The following CRACD variants were observed in gnomAD, a reference collection of about 807,000 sequenced individuals.
The protein encoded by CRACD is capping protein inhibiting regulator of actin dynamics.
In CRACD, 56 loss-of-function variants were observed where a neutral mutation model predicts 106.8. The ratio of observed to expected loss-of-function variants is 0.52; its 90% CI spans 0.42 to 0.66. CRACD has a LOEUF of 0.66. CRACD is among the 30% of genes least tolerant of loss of function. The pLI is 0.00. For missense variants in CRACD, 1,730 were observed against 1,623.2 expected (o/e 1.07, Z -1.13); for synonymous variants, 754 against 670.8 (o/e 1.12, Z -1.92).
intron 5 of CRACD, 98 bp from the exon 6 acceptor site, chr4:56,310,568 A>G: frequency 1.2e-6 from 1 of 832,062 alleles, no homozygotes; most frequent in South Asian, 1.4e-5. Flanking sequence ...CCCTGTGTAG[A>G]GGAGGGGGTG....
intron 3 of CRACD, among the ~76,000 whole-genome samples, chr4:56,286,384 T>G (rs927798258): frequency 3.0e-5 from 4 of 135,100 alleles, no homozygotes; most frequent in African/African-American, 5.7e-5. Flanking sequence ...CAGCGTGAGA[T>G]TCTGTCTCCG....
chr4:56,119,507 T>A (rs1192371058), intron 1 of CRACD, among the ~76,000 whole-genome samples: 1 of 150,396 alleles, frequency 6.6e-6, no homozygotes, highest in Non-Finnish European at 1.5e-5. Context: ...ATTTTTGTAT[T>A]TTTTTTTTGT....
rs547612021 is a variant in CRACD at position 56,308,760 on chromosome 4, G to A, written c.285+1061G>A. The A allele has an allele frequency of 3.0e-5, 30 of 985,326 alleles. 1 individual carries two copies. The Admixed American group carries it at 4.3e-4, about 14-fold the overall frequency. The allele number at this position is 985,326 out of a possible 1,614,324, so 61.0% of individuals were successfully genotyped here. A position where few individuals can be genotyped will look rare whatever the true frequency, so the allele number is the denominator to read the frequency against. ...AAGCAGGGATGGGCCCATCTCTCCC[G>A]GCAGCTCTAAAATTGCTCTTCCCAA... is the stretch of plus-strand genomic sequence containing the variant. On this transcript the variant is annotated intron_variant, in intron 5 of 10. Transcript: ENST00000682029.
chr4:56,225,635 T>C (rs904983700), intron 2 of CRACD, among the ~76,000 whole-genome samples: 11 of 152,156 alleles, frequency 7.2e-5, no homozygotes, highest in Non-Finnish European at 1.6e-4. Flanking sequence ...GCCTAAAATC[T>C]TATTATAAAG....
chr4:56,217,810 C>G (rs367816156), intron 2 of CRACD, among the ~76,000 whole-genome samples: 1 of 152,310 alleles, frequency 6.6e-6, no homozygotes, highest in Non-Finnish European at 1.5e-5. Context: ...GGAATGCCCT[C>G]GGCCAAGAGG....
intron 6 of CRACD, among the ~76,000 whole-genome samples, chr4:56,312,627 C>T (rs1745235058): frequency 6.6e-6 from 1 of 152,204 alleles, no homozygotes; most frequent in Admixed American, 6.5e-5. Context: ...GACACACTCC[C>T]AGCCTCAAAG....
chr4:56,098,484 A>G (rs1263301342), intron 1 of CRACD, among the ~76,000 whole-genome samples: 1 of 152,202 alleles, frequency 6.6e-6, no homozygotes, highest in African/African-American at 2.4e-5. Flanking sequence ...ATAACTTTAA[A>G]AAAGCAAATT....
chr4:56,139,160 C>A (rs1735108931), intron 1 of CRACD, among the ~76,000 whole-genome samples: 1 of 152,128 alleles, frequency 6.6e-6, no homozygotes, highest in African/African-American at 2.4e-5. Context: ...GCAATAAAAT[C>A]TTTCTTCTGC....
intron 2 of CRACD, among the ~76,000 whole-genome samples, chr4:56,218,100 A>G (rs1023487771): frequency 6.6e-6 from 1 of 151,974 alleles, no homozygotes; most frequent in African/African-American, 2.4e-5. Flanking sequence ...CATCAGCCTT[A>G]TTGGATTAGG....
At chr4:56,068,428 A>T (rs1732532057) in intron 1 of CRACD, among the ~76,000 whole-genome samples, 1 of 152,162 alleles carries the variant, frequency 6.6e-6, no homozygotes, top group South Asian at 2.1e-4. Context: ...CATCAGAAGG[A>T]CTTTGACTTT....
At position 56,079,363 on chromosome 4, in the gene CRACD, A is replaced by AT. The variant is rs554550327; in HGVS notation, c.-336+30071dup. ...CTTCATGTTTGAATCATCATTCTGT[A>AT]TTTTTTTCCCTCCAGGGGATGTTTA... On this transcript the variant is annotated intron_variant, in intron 1 of 10. Transcript: ENST00000682029. Among the ~76,000 whole-genome samples the AT allele has an allele frequency of 6.6e-5, 10 of 151,466 alleles. No homozygotes were observed. The South Asian group carries it at 1.7e-3, about 25-fold the overall frequency.
intron 1 of CRACD, among the ~76,000 whole-genome samples, chr4:56,142,961 G>T (rs13148796): frequency 0.22 from 33,870 of 151,142 alleles, 3,973 homozygotes; most frequent in Non-Finnish European, 0.26. Context: ...TTTACCATTC[G>T]GTAAGACAAG....
At chr4:56,285,415 G>T (rs1743279226) in intron 3 of CRACD, among the ~76,000 whole-genome samples, 1 of 150,368 alleles carries the variant, frequency 6.7e-6, no homozygotes, top group Non-Finnish European at 1.5e-5. Flanking sequence ...CCTCATGGGT[G>T]CTTGAAGTAG....
intron 1 of CRACD, among the ~76,000 whole-genome samples, chr4:56,087,514 A>G (rs1168561103): frequency 6.6e-6 from 1 of 151,994 alleles, no homozygotes; most frequent in Admixed American, 6.6e-5. Flanking sequence ...CACCCCTTTA[A>G]TGTTGCAGTT....
chr4:56,175,992 A>G (rs1232535012), intron 1 of CRACD, among the ~76,000 whole-genome samples: 1 of 152,168 alleles, frequency 6.6e-6, no homozygotes, highest in Non-Finnish European at 1.5e-5. Flanking sequence ...TTTAGTCTGT[A>G]TATGGATATC....
intron 1 of CRACD, among the ~76,000 whole-genome samples, chr4:56,049,688 C>T (rs1050480568): frequency 1.3e-5 from 2 of 152,122 alleles, no homozygotes; most frequent in African/African-American, 4.8e-5. Flanking sequence ...CCTCACCGTC[C>T]GGGATCGCGG....
At chr4:56,301,377 G>A in intron 4 of CRACD, 1 of 413,324 alleles carries the variant, frequency 2.4e-6, no homozygotes, top group East Asian at 7.5e-5. Context: ...ATGCCAGCAT[G>A]GAATGAGAGA....
chr4:56,080,332 A>G (rs952918890), intron 1 of CRACD, among the ~76,000 whole-genome samples: 4 of 152,156 alleles, frequency 2.6e-5, no homozygotes, highest in African/African-American at 9.7e-5. Flanking sequence ...TTTTTTCCAG[A>G]GATGATTTAA....
At chr4:56,188,252 T>G (rs73155185) in intron 2 of CRACD, among the ~76,000 whole-genome samples, 115 of 152,328 alleles carry the variant, frequency 7.5e-4, no homozygotes, top group African/African-American at 2.6e-3. Context: ...ATGGTGAATT[T>G]TGATGTTTTA....
Sources: gnomAD v4.1 joint callset for allele counts (sites outside exome capture counted in the v4.1 genomes callset) on GRCh38, gnomAD v4.1.1 for gene constraint, MANE v1.5 for transcripts, NCBI Gene and HGNC (gene_info 2026-07-23, HGNC 2026-07-21) for gene names.